Variants in IQCE observed in about 807,000 individuals in gnomAD.
IQCE encodes IQ motif containing E, also known as IQ domain-containing protein E.
A neutral mutation model predicts 96.0 loss-of-function variants in IQCE; 115 were observed. That is an observed-to-expected ratio of 1.20 (90% CI 1.03 to 1.40). The LOEUF is 1.40. Among genes scored for constraint, IQCE ranks in the 40% most tolerant of loss-of-function variants. IQCE has a pLI of 0.00. For missense variants in IQCE, 1,041 were observed against 909.1 expected (o/e 1.15, Z -1.87); for synonymous variants, 412 against 371.2 (o/e 1.11, Z -1.26).
In IQCE at chr7:2,570,170, T is replaced by C. The variant is rs114823867; in HGVS notation, c.130+1171T>C. ...AGGCTTTTCATCGTCCTGGTCACTCTGCCAGGAGGGCGAGGCAGGCGATGA... is the reference window on the plus strand; with the variant it reads ...AGGCTTTTCATCGTCCTGGTCACTCCGCCAGGAGGGCGAGGCAGGCGATGA... On this transcript the variant is annotated intron_variant, in intron 3 of 21. Coordinates refer to ENST00000402050, the MANE Select transcript of IQCE (RefSeq NM_152558.5). Among the ~76,000 whole-genome samples, 1,474 of 152,282 alleles carry C rather than the reference T, an allele frequency of 9.7e-3. 31 individuals carry two copies. Among genetic ancestry groups the C allele is most frequent in the Middle Eastern group, 0.034 (10 of 294 alleles).
At chr7:2,573,524 G>A (rs115808194) in intron 6 of IQCE, 36 bp downstream of exon 6, 5 of 1,120,404 alleles carry the variant, frequency 4.5e-6, no homozygotes, top group South Asian at 2.6e-5. Context: ...GATTTGAAAC[G>A]GTGAAAGCTT....
At chr7:2,608,323 C>A (rs571129961) in intron 21 of IQCE, among the ~76,000 whole-genome samples, 1 of 152,148 alleles carries the variant, frequency 6.6e-6, no homozygotes, top group African/African-American at 2.4e-5. Context: ...ACCTGGAGCC[C>A]GAGAGCCTTC....
rs1372392572 is a variant in IQCE, at chr7:2,607,206, C to T, written c.1948C>T (p.Pro650Ser). 2.5e-6 allele frequency: 4 copies of T among 1,613,908 alleles called. No homozygotes were observed. The highest frequency in any genetic ancestry group is 3.4e-6 in the Non-Finnish European group (4 of 1,179,880). The change falls in exon 21 of 22, where the codon CCC (proline) becomes TCC (serine). Residue 650 changes from proline (P) to serine (S), a missense_variant. Pro to Ser is a moderately conservative substitution (Grantham distance 74). Transcript: ENST00000402050. ...CACACACGGGGACGCCTCCTCCCCA[C>T]CCTTCCTCGCAGCTCTTCCTGGTAA... ...SATHGDASSP[P>S]FLAALPDPSP...
At chr7:2,594,793 C>T in intron 15 of IQCE, 93 bp from the exon 16 acceptor site, 2 of 876,032 alleles carry the variant, frequency 2.3e-6, no homozygotes, top group Middle Eastern at 2.4e-4. Context: ...GTCCCCCTGT[C>T]TCCGCCTGGA....
At chr7:2,576,435 CAG>C (rs1158549185) in intron 6 of IQCE, among the ~76,000 whole-genome samples, 1 of 151,090 alleles carries the variant, frequency 6.6e-6, no homozygotes, top group African/African-American at 2.4e-5. Context: ...TTTTTTGAGA[CAG>C]AGTCTCACTC....
At position 2,607,260 on chromosome 7, in the gene IQCE, G is replaced by T. The variant is rs575049200; in HGVS notation, c.1969+33G>T. 7 of 1,613,450 alleles carry T rather than the reference G, an allele frequency of 4.3e-6. No homozygotes were observed. In the South Asian group the frequency reaches 6.6e-5, roughly 15 times the overall value. On this transcript the variant is annotated intron_variant, in intron 21 of 21. Coordinates refer to ENST00000402050, the MANE Select transcript of IQCE (RefSeq NM_152558.5). ...CATTCATTTGGATTCTGGCACCAGGGCAGCTGGTCTGCTGAGGTCTCAGCC... is the reference window on the plus strand; with the variant it reads ...CATTCATTTGGATTCTGGCACCAGGTCAGCTGGTCTGCTGAGGTCTCAGCC...
intron 1 of IQCE, among the ~76,000 whole-genome samples, chr7:2,560,014 C>T (rs1780822748): frequency 6.6e-6 from 1 of 151,976 alleles, no homozygotes; most frequent in Non-Finnish European, 1.5e-5. Flanking sequence ...ATCACATTAG[C>T]CGAGCTGTGG....
chr7:2,604,769 G>T, intron 18 of IQCE, 112 bp from the exon 19 acceptor site: 2 of 704,602 alleles, frequency 2.8e-6, no homozygotes, highest in South Asian at 3.3e-5. Flanking sequence ...AGCAGTGAAG[G>T]GAGTCACGTT....
Position 2,571,636 on chromosome 7 carries a change from C to T in IQCE, c.241C>T (p.Leu81=). 1 of 1,600,026 alleles carries T rather than the reference C, an allele frequency of 6.2e-7. No individual in the cohort carries two copies. The change falls in exon 4 of 22, where the codon CTG becomes TTG. Residue 81 remains leucine (L), a synonymous_variant. Coordinates refer to ENST00000402050, the MANE Select transcript of IQCE (RefSeq NM_152558.5). ...GTCCCTGACCCCGCAGAAGCTGTGG[C>T]TGGGAACCGCAAAGCCAGGTATGTG... ...RASLTPQKLW[L]GTAKPGSLTQ... is the part of the protein sequence containing the mutation.
intron 8 of IQCE, among the ~76,000 whole-genome samples, chr7:2,580,948 T>C (rs1482220827): frequency 6.6e-6 from 1 of 151,932 alleles, no homozygotes; most frequent in African/African-American, 2.4e-5. Context: ...CGGAGTCTGC[T>C]CCAGCTACTC....
chr7:2,574,040 G>C (rs1340222369), intron 6 of IQCE, among the ~76,000 whole-genome samples: 1 of 152,176 alleles, frequency 6.6e-6, no homozygotes, highest in Non-Finnish European at 1.5e-5. Context: ...CCAAGACTCT[G>C]TACTTCCCCA....
chr7:2,560,561 A>G (rs1490494911), intron 1 of IQCE, among the ~76,000 whole-genome samples: 2 of 152,250 alleles, frequency 1.3e-5, no homozygotes, highest in Non-Finnish European at 2.9e-5. Flanking sequence ...GCCTGTCTAC[A>G]CTGGCCTTCA....
intron 19 of IQCE, 149 bp downstream of exon 19, chr7:2,605,140 GGC>G: frequency 3.2e-6 from 2 of 621,376 alleles, no homozygotes; most frequent in Non-Finnish European, 5.7e-6. Flanking sequence ...TGGCCACGCA[GGC>G]CATGCAGGCT....
intron 16 of IQCE, among the ~76,000 whole-genome samples, chr7:2,597,622 T>A (rs895761984): frequency 2.0e-5 from 3 of 152,212 alleles, no homozygotes; most frequent in African/African-American, 7.2e-5. Flanking sequence ...TTGGGTAGTG[T>A]CCTATGGATG....
rs781414665 is a variant in IQCE at position 2,589,922 on chromosome 7, G to C, written c.1060G>C (p.Glu354Gln). 2 of 1,613,852 alleles carry C rather than the reference G, an allele frequency of 1.2e-6. No homozygotes were observed. Among genetic ancestry groups the C allele is most frequent in the Non-Finnish European group, 1.7e-6 (2 of 1,180,006 alleles). Residue 354 changes from glutamate (E) to glutamine (Q), a missense_variant, in exon 14 of 22, where the codon GAG becomes CAG. Physicochemically the swap from Glu to Gln is conservative, Grantham distance 29 (BLOSUM62 2). Coordinates refer to ENST00000402050, the MANE Select transcript of IQCE (RefSeq NM_152558.5). Reference sequence around the variant, plus strand: ...TTGCCTCCAGAAACTAAGTGTGATGGAGAGCTCAAAATCACACGCCGCAGA... The same window carrying C: ...TTGCCTCCAGAAACTAAGTGTGATGCAGAGCTCAAAATCACACGCCGCAGA... ...VELEKKLSVMESSKSHAAEPV... is the reference protein window; with the variant it reads ...VELEKKLSVMQSSKSHAAEPV...
intron 11 of IQCE, among the ~76,000 whole-genome samples, chr7:2,586,000 A>G (rs929832639): frequency 9.7e-5 from 13 of 133,788 alleles, no homozygotes; most frequent in African/African-American, 3.6e-4. Flanking sequence ...TACCTTGCAT[A>G]AGGATGGGGT....
In IQCE at chr7:2,613,315, C is replaced by T. The variant is rs926755215; in HGVS notation, c.*3153C>T. 1.3e-5 allele frequency: 2 copies of T among 152,326 alleles called. No individual in the cohort carries two copies. Among genetic ancestry groups the T allele is most frequent in the Admixed American group, 6.5e-5 (1 of 15,282 alleles). The allele number at this position is 152,326 out of a possible 1,614,324, so 9.4% of individuals were successfully genotyped here. ...CTCCCCTAGAGGCCTGTCCCCAACT[C>T]CTCCCCTAGAGGCCTATTCCCGCTG... On this transcript the variant is annotated 3_prime_UTR_variant, in exon 22 of 22. Coordinates refer to ENST00000402050, the MANE Select transcript of IQCE (RefSeq NM_152558.5).
chr7:2,560,955 CAAAAA>C (rs746886884), intron 1 of IQCE, among the ~76,000 whole-genome samples: 1 of 58,786 alleles, frequency 1.7e-5, no homozygotes, highest in Non-Finnish European at 3.4e-5. Flanking sequence ...GACTCTGTCT[CAAAAA>C]AAAAAAAAAA....
At chr7:2,593,716 G>C (rs755222948) in intron 15 of IQCE, among the ~76,000 whole-genome samples, 2 of 152,260 alleles carry the variant, frequency 1.3e-5, no homozygotes, top group Non-Finnish European at 2.9e-5. Context: ...GCTGCTAGGG[G>C]CTGGGAGGGG....
Sources: allele counts gnomAD v4.1 joint callset (sites outside exome capture counted in the v4.1 genomes callset), GRCh38; gene constraint gnomAD v4.1.1; transcripts MANE v1.5; gene names NCBI Gene and HGNC (gene_info 2026-07-23, HGNC 2026-07-21).